Variants in MYO1D observed in about 807,000 individuals in gnomAD.
MYO1D encodes the protein myosin ID.
MYO1D carries 83 observed loss-of-function variants against 122.0 expected under a neutral mutation model. The observed-to-expected ratio is 0.68, with a 90% CI of 0.57 to 0.82. The LOEUF (loss-of-function observed/expected upper bound fraction) is 0.82. Among genes scored for constraint, MYO1D ranks in the 40% least tolerant of loss-of-function variants. The pLI, the probability that MYO1D is intolerant of heterozygous loss-of-function variation, is 0.00. For synonymous variants in MYO1D, 464 were observed against 446.9 expected (o/e 1.04, Z -0.48); for missense variants, 1,157 against 1,269.5 (o/e 0.91, Z 1.35).
chr17:32,571,503 G>A (rs1294340449), intron 21 of MYO1D, among the ~76,000 whole-genome samples: 2 of 152,068 alleles, frequency 1.3e-5, no homozygotes, highest in African/African-American at 2.4e-5. Flanking sequence ...TGGTGGGGTC[G>A]CGTTGATAAT....
rs1004555835 is a variant in MYO1D at position 32,822,763 on chromosome 17, GGGGCGTCCCCGCACCC to G, written c.96-41995_96-41980del. ...TGGCGGGCAGCAGGCGGCGAGGCCC[GGGGCGTCCCCGCACCC>G]GGCCGACCTCCGCTCGCGACCGCTC... On this transcript the variant is annotated intron_variant, in intron 1 of 21. Coordinates refer to ENST00000318217, the MANE Select transcript of MYO1D (RefSeq NM_015194.3). 2.0e-4 allele frequency among the ~76,000 whole-genome samples: 31 copies of G among 151,540 alleles called. No homozygotes were observed. In the South Asian group the frequency reaches 5.4e-3, roughly 26 times the overall value.
At chr17:32,594,207 T>G (rs2150906826) in intron 21 of MYO1D, 1 of 196,834 alleles carries the variant, frequency 5.1e-6, no homozygotes, top group East Asian at 1.2e-4. Flanking sequence ...TTTTGTATGT[T>G]TTAAATTACC....
At chr17:32,711,631 G>A (rs993468790) in intron 16 of MYO1D, among the ~76,000 whole-genome samples, 2 of 151,746 alleles carry the variant, frequency 1.3e-5, no homozygotes, top group African/African-American at 4.8e-5. Context: ...AGGTGACATA[G>A]TGAGACTCCG....
At chr17:32,850,927 C>CT (rs34079187) in intron 1 of MYO1D, among the ~76,000 whole-genome samples, 19 of 149,734 alleles carry the variant, frequency 1.3e-4, no homozygotes, top group Admixed American at 6.7e-4. Flanking sequence ...CTTATGAAAA[C>CT]TTTTTTTTTT....
At chr17:32,801,056 C>T (rs2090456772) in intron 1 of MYO1D, among the ~76,000 whole-genome samples, 1 of 152,058 alleles carries the variant, frequency 6.6e-6, no homozygotes, top group South Asian at 2.1e-4. Context: ...AGGAAAGTGC[C>T]TGTCCTCTAG....
intron 21 of MYO1D, among the ~76,000 whole-genome samples, chr17:32,524,783 G>C (rs937370607): frequency 6.6e-6 from 1 of 152,156 alleles, no homozygotes; most frequent in Non-Finnish European, 1.5e-5. Flanking sequence ...GGCTGGTCTT[G>C]AACTCCTGAC....
Position 32,720,603 on chromosome 17 carries a change from G to C in MYO1D, c.1913+420C>G, listed in dbSNP as rs1335118841. ...TAATTAAATAGCTATGATGTACCAG[G>C]AATCTAGGCTTTTTACTTAGGTTAA... On this transcript the variant is annotated intron_variant, in intron 15 of 21. Coordinates refer to ENST00000318217, the MANE Select transcript of MYO1D (RefSeq NM_015194.3). Among the ~76,000 whole-genome samples, 9 of 152,204 alleles carry C rather than the reference G, an allele frequency of 5.9e-5. No individual in the cohort carries two copies. In the East Asian group the frequency reaches 1.3e-3, roughly 23 times the overall value.
At chr17:32,521,798 A>G (rs962379609) in intron 21 of MYO1D, among the ~76,000 whole-genome samples, 1 of 151,846 alleles carries the variant, frequency 6.6e-6, no homozygotes, top group Non-Finnish European at 1.5e-5. Context: ...AAATAAAAAA[A>G]TTAGGCCAGG....
At chr17:32,504,291 G>GC (rs1482565018) in intron 21 of MYO1D, among the ~76,000 whole-genome samples, 1 of 152,152 alleles carries the variant, frequency 6.6e-6, no homozygotes, top group Non-Finnish European at 1.5e-5. Flanking sequence ...AGCCTGGGCT[G>GC]CCCCTCCCCC....
chr17:32,772,912 T>C, intron 4 of MYO1D, 70 bp from the exon 5 acceptor site: 1 of 1,291,646 alleles, frequency 7.7e-7, no homozygotes, highest in Non-Finnish European at 1.1e-6. Context: ...GCCACTTTCT[T>C]AGGGAACTGT....
chr17:32,530,809 A>T (rs1439632631), intron 21 of MYO1D, among the ~76,000 whole-genome samples: 1 of 147,790 alleles, frequency 6.8e-6, no homozygotes, highest in Admixed American at 6.8e-5. Flanking sequence ...GCTAAAAATA[A>T]TTTTTTTTTT....
chr17:32,583,131 T>C (rs890509276), intron 21 of MYO1D, among the ~76,000 whole-genome samples: 1 of 152,190 alleles, frequency 6.6e-6, no homozygotes, highest in Non-Finnish European at 1.5e-5. Context: ...CACCTTTGTT[T>C]TGGAAAGCTA....
intron 20 of MYO1D, among the ~76,000 whole-genome samples, chr17:32,627,166 A>G (rs2087939286): frequency 6.6e-6 from 1 of 152,250 alleles, no homozygotes; most frequent in Non-Finnish European, 1.5e-5. Flanking sequence ...TACCTAAATA[A>G]ATTAATAAAG....
intron 21 of MYO1D, among the ~76,000 whole-genome samples, chr17:32,597,396 G>A (rs188785630): frequency 3.3e-5 from 5 of 151,920 alleles, no homozygotes; most frequent in Non-Finnish European, 7.4e-5. Context: ...TCATATGTGT[G>A]TATACATATC....
intron 16 of MYO1D, 68 bp downstream of exon 16, chr17:32,711,918 GAA>G: frequency 7.8e-7 from 1 of 1,282,896 alleles, no homozygotes; most frequent in Non-Finnish European, 1.1e-6. Context: ...TTGAATTAAA[GAA>G]AATATGCAAC....
At chr17:32,658,948 A>G in intron 17 of MYO1D, 167 bp downstream of exon 17, 1 of 669,128 alleles carries the variant, frequency 1.5e-6, no homozygotes, top group Non-Finnish European at 2.5e-6. Flanking sequence ...TTGAGGGGTA[A>G]GCAGATGCTC....
rs569035268 is a variant in MYO1D, at chr17:32,580,661, G to A, written c.2864+24426C>T. ...CCTGACCTCGTGATCTGCCTGCCTT[G>A]GGCTCCCAAAGTGCTGGGATTACAG... On this transcript the variant is annotated intron_variant, in intron 21 of 21. Transcript: ENST00000318217. Among the ~76,000 whole-genome samples, 4 of 151,986 alleles carry A rather than the reference G, an allele frequency of 2.6e-5. 1 individual carries two copies. The highest frequency in any genetic ancestry group is 9.6e-5 in the African/African-American group (4 of 41,480).
intron 15 of MYO1D, among the ~76,000 whole-genome samples, chr17:32,716,555 C>A (rs1253049898): frequency 6.6e-6 from 1 of 152,102 alleles, no homozygotes; most frequent in Non-Finnish European, 1.5e-5. Flanking sequence ...GGGCAGAGAT[C>A]AAAGCCAAAT....
chr17:32,812,409 T>C (rs1489281618), intron 1 of MYO1D, among the ~76,000 whole-genome samples: 2 of 152,198 alleles, frequency 1.3e-5, no homozygotes, highest in Admixed American at 6.5e-5. Flanking sequence ...ATTTTACATA[T>C]GGTAAAAAAT....
Sources: allele counts gnomAD v4.1 joint callset (sites outside exome capture counted in the v4.1 genomes callset), GRCh38; gene constraint gnomAD v4.1.1; transcripts MANE v1.5; gene names NCBI Gene and HGNC (gene_info 2026-07-23, HGNC 2026-07-21).